Variants in CIMAP1D observed in about 807,000 individuals in gnomAD.
CIMAP1D encodes protein CIMAP1D.
At chr19:489,952 G>A in the CIMAP1D span, 5 of 398,238 alleles carry the variant, frequency 1.3e-5, no homozygotes, top group East Asian at 1.4e-4. Flanking sequence ...GCCCGGTGCT[G>A]AGAGAGGCCA....
chr19:484,840 G>A, the CIMAP1D span, among the ~76,000 whole-genome samples: 1 of 152,216 alleles, frequency 6.6e-6, no homozygotes, highest in Admixed American at 6.5e-5. Flanking sequence ...ACCCTGAGCA[G>A]GGTGGGAGCC....
chr19:470,731 C>T, the CIMAP1D span, among the ~76,000 whole-genome samples: 829 of 152,334 alleles, frequency 5.4e-3, 8 homozygotes, highest in African/African-American at 0.018. Flanking sequence ...GCGCTCCCAG[C>T]CCAGCTGGGA....
the CIMAP1D span, among the ~76,000 whole-genome samples, chr19:481,412 G>GGAAGGATTATGGA: frequency 1.1e-5 from 1 of 92,272 alleles, no homozygotes; most frequent in Admixed American, 1.0e-4. Flanking sequence ...AAGGATGATG[G>GGAAGGATTATGGA]GAAGGATGAT....
chr19:464,681 G>A, the CIMAP1D span, among the ~76,000 whole-genome samples: 9 of 152,134 alleles, frequency 5.9e-5, no homozygotes, highest in African/African-American at 9.7e-5. Context: ...CTCTCCAGAC[G>A]TGAGCACACT....
At chr19:477,946 C>A in the CIMAP1D span, among the ~76,000 whole-genome samples, 1 of 152,216 alleles carries the variant, frequency 6.6e-6, no homozygotes, top group African/African-American at 2.4e-5. Flanking sequence ...CTAAGACGGT[C>A]TCCACCTCGG....
chr19:473,885 GAT>G, the CIMAP1D span, among the ~76,000 whole-genome samples: 1 of 145,176 alleles, frequency 6.9e-6, no homozygotes, highest in Non-Finnish European at 1.5e-5. Flanking sequence ...CCCAGGCAGA[GAT>G]ACACGGTCAC....
chr19:472,034 C>T, the CIMAP1D span, among the ~76,000 whole-genome samples: 2 of 152,256 alleles, frequency 1.3e-5, no homozygotes, highest in African/African-American at 4.8e-5. Context: ...GCGTGAGCCA[C>T]CGCACCGGCC....
the CIMAP1D span, among the ~76,000 whole-genome samples, chr19:466,195 G>A: frequency 7.7e-6 from 1 of 129,978 alleles, no homozygotes; most frequent in African/African-American, 2.9e-5. Context: ...TGGGTGGATA[G>A]ATGGATGGGT....
the CIMAP1D span, among the ~76,000 whole-genome samples, chr19:479,591 G>C: frequency 6.6e-6 from 1 of 150,864 alleles, no homozygotes; most frequent in East Asian, 2.0e-4. Flanking sequence ...TTTTAGTAGA[G>C]ACGGGGTTTC....
the CIMAP1D span, chr19:489,774 G>T: frequency 2.8e-6 from 1 of 358,248 alleles, no homozygotes; most frequent in South Asian, 1.5e-4. Flanking sequence ...AGGAACTGCA[G>T]GGACGGAGAG....
chr19:490,350 C>T, the CIMAP1D span: 1 of 216,906 alleles, frequency 4.6e-6, no homozygotes, highest in South Asian at 1.9e-4. Context: ...GAGTGAAACT[C>T]CAGCTAAAAA....
the CIMAP1D span, among the ~76,000 whole-genome samples, chr19:476,155 C>T: frequency 1.3e-5 from 2 of 151,766 alleles, no homozygotes; most frequent in African/African-American, 4.8e-5. Context: ...TGCACCACCA[C>T]GTCTAGCTAA....
At chr19:469,220 A>ATGT in the CIMAP1D span, among the ~76,000 whole-genome samples, 676 of 147,330 alleles carry the variant, frequency 4.6e-3, 3 homozygotes, top group Non-Finnish European at 7.1e-3. Flanking sequence ...GGCTGGGGAG[A>ATGT]TTCTTTTTTT....
the CIMAP1D span, chr19:472,640 G>T: frequency 1.8e-6 from 1 of 543,522 alleles, no homozygotes; most frequent in Non-Finnish European, 3.2e-6. Context: ...GCAAGAGGCT[G>T]CTGCCCGTCG....
the CIMAP1D span, among the ~76,000 whole-genome samples, chr19:475,572 C>A: frequency 9.5e-4 from 145 of 152,210 alleles, 1 homozygote; most frequent in South Asian, 1.7e-3. Context: ...GGCCCTGGGG[C>A]AGCGGCGAGG....
chr19:467,522 T>A, the CIMAP1D span: 1 of 738,320 alleles, frequency 1.4e-6, no homozygotes, highest in Non-Finnish European at 2.4e-6. Flanking sequence ...TCCCTTGGAT[T>A]TGATCACTCC....
At chr19:474,614 C>T in the CIMAP1D span, 1 of 1,541,804 alleles carries the variant, frequency 6.5e-7, no homozygotes, top group Non-Finnish European at 8.8e-7. Context: ...CCACGGCTGG[C>T]ACGCACCGTT....
chr19:467,404 G>C, the CIMAP1D span, among the ~76,000 whole-genome samples: 1 of 152,044 alleles, frequency 6.6e-6, no homozygotes, highest in Non-Finnish European at 1.5e-5. Flanking sequence ...ACCTAGGCCA[G>C]CTGCCTCTGT....
the CIMAP1D span, among the ~76,000 whole-genome samples, chr19:466,127 G>A: frequency 4.1e-5 from 6 of 145,376 alleles, no homozygotes; most frequent in African/African-American, 1.5e-4. Flanking sequence ...ATGGGTGGGT[G>A]GGTGGATGGA....
Sources: gnomAD v4.1 joint callset for allele counts (sites outside exome capture counted in the v4.1 genomes callset) on GRCh38, gnomAD v4.1.1 for gene constraint, MANE v1.5 for transcripts, NCBI Gene and HGNC (gene_info 2026-07-23, HGNC 2026-07-21) for gene names.